The following RBFOX1 variants were observed in gnomAD, a reference collection of about 807,000 sequenced individuals.
RBFOX1 encodes the protein RNA binding fox-1 homolog 1.
Under a neutral mutation model 57.7 loss-of-function variants are expected in RBFOX1, and 8 were observed. The observed-to-expected ratio is 0.14, with a 90% CI of 0.08 to 0.25. The LOEUF is 0.25. RBFOX1 is among the 10% of genes least tolerant of loss of function. RBFOX1 has a pLI of 1.00. For synonymous variants in RBFOX1, 326 were observed against 222.4 expected (o/e 1.47, Z -4.15); for missense variants, 611 against 548.5 (o/e 1.11, Z -1.14).
chr16:6,925,182 G>A (rs1275990902), intron 3 of RBFOX1, among the ~76,000 whole-genome samples: 2 of 113,286 alleles, frequency 1.8e-5, no homozygotes, highest in South Asian at 3.1e-4. Flanking sequence ...TGCCTAGACT[G>A]GAGTGCAGTG....
chr16:6,706,309 G>A (rs2062735129), intron 3 of RBFOX1, among the ~76,000 whole-genome samples: 1 of 152,158 alleles, frequency 6.6e-6, no homozygotes. Context: ...TCACATTTAC[G>A]AGGAGAAAAT....
intron 2 of RBFOX1, among the ~76,000 whole-genome samples, chr16:6,413,413 C>G (rs1263997244): frequency 6.6e-6 from 1 of 151,696 alleles, no homozygotes; most frequent in East Asian, 1.9e-4. Context: ...GTCCTCTCAT[C>G]TTGGCTTCCC....
In RBFOX1 at chr16:6,019,348, C is replaced by T; in HGVS notation, c.-771C>T. 2.0e-6 allele frequency: 2 copies of T among 985,526 alleles called. No individual in the cohort carries two copies. Among genetic ancestry groups the T allele is most frequent in the Non-Finnish European group, 2.4e-6 (2 of 830,174 alleles). The allele number at this position is 985,526 out of a possible 1,614,324, so 61.0% of individuals were successfully genotyped here. ...GCCGCGCTGCCGCCGCCTCCTCCAG[C>T]CAGAGTCGGTGGGACTGGCTGCGCT... On this transcript the variant is annotated 5_prime_UTR_variant, in exon 1 of 16. Coordinates refer to ENST00000550418, the MANE Select transcript of RBFOX1 (RefSeq NM_018723.4). This position sits in a 1 kb window ranked among gnomAD's most constrained non-coding sequence, Gnocchi z 4.2.
intron 4 of RBFOX1, among the ~76,000 whole-genome samples, chr16:7,500,789 C>T (rs79313842): frequency 0.024 from 3,675 of 152,268 alleles, 73 homozygotes; most frequent in Middle Eastern, 0.048. Context: ...TATGGTTTGT[C>T]AGTGTCCCCA....
At chr16:7,047,162 T>C (rs1014476356) in intron 3 of RBFOX1, among the ~76,000 whole-genome samples, 5 of 152,134 alleles carry the variant, frequency 3.3e-5, no homozygotes, top group African/African-American at 1.2e-4. Flanking sequence ...TCTTCCTTTC[T>C]TGTTGTTTGA....
At chr16:5,832,547 G>A (rs139056963) in intron 3 of RBFOX1, among the ~76,000 whole-genome samples, 5 of 152,312 alleles carry the variant, frequency 3.3e-5, no homozygotes, top group African/African-American at 1.2e-4. Context: ...AGCCTGGCAT[G>A]TAGAATATAA....
intron 4 of RBFOX1, among the ~76,000 whole-genome samples, chr16:7,058,104 G>A (rs2053038677): frequency 6.6e-6 from 1 of 150,886 alleles, no homozygotes; most frequent in Non-Finnish European, 1.5e-5. Context: ...GAAAATACAT[G>A]TGCTACCACC....
At chr16:7,555,878 G>T (rs1177497222) in intron 5 of RBFOX1, among the ~76,000 whole-genome samples, 1 of 152,048 alleles carries the variant, frequency 6.6e-6, no homozygotes, top group African/African-American at 2.4e-5. Flanking sequence ...CTTCCAACAT[G>T]CTCTGCAATG....
chr16:6,576,455 A>G (rs185724913), intron 2 of RBFOX1, among the ~76,000 whole-genome samples: 24 of 152,328 alleles, frequency 1.6e-4, no homozygotes, highest in African/African-American at 5.8e-4. Context: ...ACATTGTAAC[A>G]TAATATTATT....
At chr16:7,395,377 T>C (rs1350458558) in intron 4 of RBFOX1, among the ~76,000 whole-genome samples, 1 of 152,234 alleles carries the variant, frequency 6.6e-6, no homozygotes, top group African/African-American at 2.4e-5. Context: ...ATTCCCCTTT[T>C]AGTGGAGATA....
chr16:7,692,555 C>T (rs187998120), intron 14 of RBFOX1, among the ~76,000 whole-genome samples: 47 of 152,248 alleles, frequency 3.1e-4, no homozygotes, highest in African/African-American at 1.1e-3. Context: ...ATTTACGAAC[C>T]TAGCCAACCT....
At chr16:7,498,282 C>A (rs1202168570) in intron 4 of RBFOX1, among the ~76,000 whole-genome samples, 1 of 152,064 alleles carries the variant, frequency 6.6e-6, no homozygotes, top group Non-Finnish European at 1.5e-5. Context: ...GGAGTGGTGG[C>A]TTCAAATTTA....
chr16:6,680,796 A>G (rs770957150), intron 3 of RBFOX1, among the ~76,000 whole-genome samples: 21 of 152,178 alleles, frequency 1.4e-4, no homozygotes, highest in Non-Finnish European at 4.4e-5. Flanking sequence ...TTTGCAAACC[A>G]TTTTTTAAAT....
chr16:7,369,914 T>C (rs1027916474), intron 4 of RBFOX1, among the ~76,000 whole-genome samples: 7 of 152,192 alleles, frequency 4.6e-5, no homozygotes, highest in Admixed American at 2.0e-4. Context: ...GAGGAAGAAA[T>C]TGAAGCTTGG....
chr16:7,488,158 G>T (rs1039024342), intron 4 of RBFOX1, among the ~76,000 whole-genome samples: 2 of 152,154 alleles, frequency 1.3e-5, no homozygotes, highest in South Asian at 2.1e-4. Flanking sequence ...GATTGTGATT[G>T]ATGAGCTGGT....
At chr16:5,604,000 C>G (rs182534570), downstream of RBFOX1, among the ~76,000 whole-genome samples, 16 of 152,214 alleles carry the variant, frequency 1.1e-4, no homozygotes, top group African/African-American at 3.9e-4. Context: ...CCAAGGCAGA[C>G]ATTAGTAATC....
chr16:5,602,743 T>C (rs188138864), downstream of RBFOX1, among the ~76,000 whole-genome samples: 1 of 152,236 alleles, frequency 6.6e-6, no homozygotes, highest in East Asian at 1.9e-4. Context: ...TAATATAATA[T>C]TAGTAATAAT....
At chr16:7,100,063 T>G in intron 4 of RBFOX1, among the ~76,000 whole-genome samples, 1 of 149,744 alleles carries the variant, frequency 6.7e-6, no homozygotes, top group African/African-American at 2.5e-5. Flanking sequence ...TGATGGGGGG[T>G]GAGGGTGGTC....
intron 4 of RBFOX1, among the ~76,000 whole-genome samples, chr16:7,358,290 G>T (rs1232267027): frequency 6.6e-6 from 1 of 152,196 alleles, no homozygotes; most frequent in East Asian, 1.9e-4. Flanking sequence ...GCCACCGAAA[G>T]GGACAGGTGA....
Sources: allele counts gnomAD v4.1 joint callset (sites outside exome capture counted in the v4.1 genomes callset), GRCh38; gene constraint gnomAD v4.1.1; non-coding constraint Gnocchi (gnomAD v3.1); transcripts MANE v1.5; gene names NCBI Gene and HGNC (gene_info 2026-07-23, HGNC 2026-07-21).